The following PUDP variants were observed in gnomAD, a reference collection of about 807,000 sequenced individuals.
PUDP encodes the protein pseudouridine-5'-phosphatase.
PUDP carries 8 observed loss-of-function variants against 9.4 expected under a neutral mutation model. The observed-to-expected ratio is 0.85, with a 90% confidence interval of 0.50 to 1.53. The LOEUF (loss-of-function observed/expected upper bound fraction) is 1.53, where lower values mean the gene tolerates loss of function less well. Among genes scored for constraint, PUDP ranks in the 40% most tolerant of loss-of-function variants. PUDP has a pLI of 0.00. For missense variants in PUDP, 188 were observed against 189.7 expected, an observed-to-expected ratio of 0.99 and a Z score of 0.05; for synonymous variants, 99 against 80.7, an observed-to-expected ratio of 1.23 and a Z score of -1.22.
intron 3 of PUDP, among the ~76,000 whole-genome samples, chrX:6,924,458 G>A: frequency 8.9e-6 from 1 of 112,450 alleles, no homozygotes. Context: ...CTTGGGACCA[G>A]AAGTGTTTCA....
At chrX:6,948,909 C>T (rs1404780789) in intron 3 of PUDP, among the ~76,000 whole-genome samples, 2 of 111,640 alleles carry the variant, frequency 1.8e-5, no homozygotes, top group Non-Finnish European at 3.8e-5. Context: ...TCATGCTCAG[C>T]GAGGAGGCAG....
intron 3 of PUDP, among the ~76,000 whole-genome samples, chrX:6,865,742 A>G (rs1337633097): frequency 1.8e-5 from 2 of 111,578 alleles, no homozygotes; most frequent in Non-Finnish European, 3.8e-5. Flanking sequence ...CACAAACCTC[A>G]TAAGTCAAAA....
rs761971489 is a variant in PUDP, at chrX:7,007,159, G to A, written c.205-28816C>T. Among the ~76,000 whole-genome samples, 4 of 110,855 alleles carry A rather than the reference G, an allele frequency of 3.6e-5. No homozygotes were observed. The East Asian group carries it at 1.1e-3, about 32-fold the overall frequency. On this transcript the variant is annotated intron_variant and NMD_transcript_variant, in intron 1 of 3. Coordinates refer to the PUDP transcript ENST00000655425. ...TTCATCTCTCCAGCTGACTAAAATT[G>A]GAGGGTTTATATAGCTGGGAAGGGA...
At chrX:6,844,403 A>G (rs568721678) in intron 3 of PUDP, among the ~76,000 whole-genome samples, 1 of 112,750 alleles carries the variant, frequency 8.9e-6, no homozygotes, top group African/African-American at 3.2e-5. Context: ...CAGAGATACA[A>G]CAGTAAATAA....
chrX:7,108,974 G>A (rs938401420), intron 1 of PUDP, among the ~76,000 whole-genome samples: 1 of 112,485 alleles, frequency 8.9e-6, no homozygotes, highest in Non-Finnish European at 1.9e-5. Flanking sequence ...AGCCCTTTAG[G>A]AGAGTACAAA....
At chrX:6,728,092 AG>A (rs1924762802) in intron 3 of PUDP, among the ~76,000 whole-genome samples, 2 of 111,504 alleles carry the variant, frequency 1.8e-5, no homozygotes, top group African/African-American at 6.5e-5. Flanking sequence ...TCATGGCAGA[AG>A]GCAAAAGGCA....
chrX:7,050,330 T>G lies in PUDP; in HGVS notation c.653A>C (p.Gln218Pro). 1.7e-6 allele frequency: 2 copies of G among 1,211,523 alleles called. No homozygotes were observed. The highest frequency in any genetic ancestry group is 2.2e-6 in the Non-Finnish European group (2 of 895,248). ...GGAGGGCAAACCAAACAGCTCGGGC[T>G]GGAAGTCCTGCAGGGAATTCAGCAC... ...TLVLNSLQDFQPELFGLPSYE is the reference protein window; with the variant it reads ...TLVLNSLQDFPPELFGLPSYE Residue 218 changes from glutamine (Q) to proline (P), a missense_variant, in exon 4 of 4, where the codon CAG (glutamine) becomes CCG (proline). By Grantham distance (76) the Gln-to-Pro change is moderately conservative. Coordinates refer to ENST00000381077, the MANE Select transcript of PUDP (RefSeq NM_012080.5).
intron 3 of PUDP, among the ~76,000 whole-genome samples, chrX:7,065,213 C>T (rs1473127818): frequency 8.9e-6 from 1 of 111,742 alleles, no homozygotes; most frequent in Non-Finnish European, 1.9e-5. Flanking sequence ...TTCTCATTAG[C>T]CACTTCTTCT....
At chrX:6,822,055 A>G (rs946162917) in intron 3 of PUDP, among the ~76,000 whole-genome samples, 15 of 111,486 alleles carry the variant, frequency 1.3e-4, no homozygotes, top group African/African-American at 4.9e-4. Context: ...GGAACTGGCA[A>G]CCCATTTTCT....
chrX:6,775,136 A>G (rs893693548), intron 3 of PUDP, among the ~76,000 whole-genome samples: 2 of 111,740 alleles, frequency 1.8e-5, no homozygotes, highest in Non-Finnish European at 3.8e-5. Flanking sequence ...CCCAGCAATC[A>G]CTAATTTACT....
intron 3 of PUDP, among the ~76,000 whole-genome samples, chrX:6,835,870 T>C (rs1926573448): frequency 1.1e-5 from 1 of 88,550 alleles, no homozygotes; most frequent in Non-Finnish European, 2.2e-5. Context: ...GCACTGCCAC[T>C]GGCTTTTTTT....
intron 3 of PUDP, among the ~76,000 whole-genome samples, chrX:6,754,303 T>C (rs1376850927): frequency 9.0e-6 from 1 of 111,354 alleles, no homozygotes; most frequent in African/African-American, 3.3e-5. Flanking sequence ...GTCTGCTGCC[T>C]TGTAAGACGT....
intron 1 of PUDP, among the ~76,000 whole-genome samples, chrX:7,140,884 C>T (rs1035578595): frequency 5.4e-5 from 6 of 112,057 alleles, no homozygotes; most frequent in Admixed American, 1.9e-4. Context: ...TATGTCAAAT[C>T]GTTTCATTAT....
intron 3 of PUDP, among the ~76,000 whole-genome samples, chrX:6,754,195 G>A (rs1423736841): frequency 3.6e-5 from 4 of 111,275 alleles, no homozygotes; most frequent in Admixed American, 9.6e-5. Flanking sequence ...TCATGGGGGC[G>A]GTTACCTCCA....
intron 3 of PUDP, among the ~76,000 whole-genome samples, chrX:6,823,988 G>T (rs980399834): frequency 2.7e-5 from 3 of 112,424 alleles, no homozygotes; most frequent in African/African-American, 9.7e-5. Flanking sequence ...GTTTTGGCCG[G>T]CTTCTTTATC....
chrX:7,136,939 TACACCTCAGTCTGAA>T (rs1932754106), intron 1 of PUDP, among the ~76,000 whole-genome samples: 1 of 111,612 alleles, frequency 9.0e-6, no homozygotes, highest in African/African-American at 3.3e-5. Flanking sequence ...CAATGACAAA[TACACCTCAGTCTGAA>T]ACATTAAGTT....
intron 3 of PUDP, among the ~76,000 whole-genome samples, chrX:6,871,070 C>T (rs775379861): frequency 4.1e-4 from 46 of 112,069 alleles, no homozygotes; most frequent in Non-Finnish European, 7.5e-4. Context: ...CTTCTGGTCT[C>T]GTCCTCCAAT....
chrX:6,946,652 A>G (rs1928468390), intron 3 of PUDP, among the ~76,000 whole-genome samples: 1 of 112,398 alleles, frequency 8.9e-6, no homozygotes, highest in African/African-American at 3.2e-5. Context: ...TGTGTACCCA[A>G]AACCAATGAT....
At chrX:7,145,753 C>T (rs1932844689) in intron 1 of PUDP, among the ~76,000 whole-genome samples, 1 of 111,591 alleles carries the variant, frequency 9.0e-6, no homozygotes, top group Admixed American at 9.6e-5. Flanking sequence ...CTAATGTTAA[C>T]AATCCTCCAT....
Sources: gnomAD v4.1 joint callset for allele counts (sites outside exome capture counted in the v4.1 genomes callset) on GRCh38, gnomAD v4.1.1 for gene constraint, MANE v1.5 for transcripts, NCBI Gene and HGNC (gene_info 2026-07-23, HGNC 2026-07-21) for gene names.